The following EDNRB variants were observed in gnomAD, a reference collection of about 807,000 sequenced individuals.
The protein encoded by EDNRB is Hirschsprung disease 2.
In EDNRB, 18 loss-of-function variants were observed where a neutral mutation model predicts 46.4. The observed-to-expected ratio is 0.39, with a 90% CI of 0.27 to 0.57. EDNRB has a LOEUF of 0.57. EDNRB is among the 20% of genes least tolerant of loss of function. EDNRB has a pLI of 0.61. For missense variants in EDNRB, 434 were observed against 537.5 expected (o/e 0.81, Z 1.90); for synonymous variants, 213 against 204.9 (o/e 1.04, Z -0.34).
Position 77,896,281 on chromosome 13 carries a change from ATATAT to A in EDNRB, c.*1914_*1918del. On this transcript the variant is annotated 3_prime_UTR_variant, in exon 7 of 7. Transcript: ENST00000646607. The stretch of plus-strand genomic sequence containing the variant: ...AATCTAAAATTTAAATAGAAATTAA[ATATAT>A]TAATAAACTGTGAAAATATTAGTGA... 1 of 548,352 alleles carries A rather than the reference ATATAT, an allele frequency of 1.8e-6. No homozygotes were observed. The highest frequency in any genetic ancestry group is 2.7e-6 in the Non-Finnish European group (1 of 373,390). The allele number at this position is 548,352 out of a possible 1,614,324, so 34.0% of individuals were successfully genotyped here.
At chr13:77,948,655 T>C (rs1880999043) in intron 1 of EDNRB, among the ~76,000 whole-genome samples, 1 of 152,170 alleles carries the variant, frequency 6.6e-6, no homozygotes, top group Admixed American at 6.6e-5. Flanking sequence ...GATGAAGGTT[T>C]AGAATAGCTA....
chr13:77,943,576 A>T (rs1285550145), intron 1 of EDNRB, among the ~76,000 whole-genome samples: 1 of 152,202 alleles, frequency 6.6e-6, no homozygotes, highest in East Asian at 1.9e-4. Flanking sequence ...AAATCTAATC[A>T]TTCAGCTAGG....
chr13:77,969,500 C>A (rs1397204219), intron 1 of EDNRB, among the ~76,000 whole-genome samples: 1 of 152,142 alleles, frequency 6.6e-6, no homozygotes, highest in Non-Finnish European at 1.5e-5. Context: ...GTAATGCATT[C>A]TGCATGGTAG....
chr13:77,930,958 A>G (rs1012434570), intron 1 of EDNRB, among the ~76,000 whole-genome samples: 3 of 152,148 alleles, frequency 2.0e-5, no homozygotes, highest in Admixed American at 6.5e-5. Context: ...CAAACTCTAA[A>G]TGTGTATTAT....
At chr13:77,949,168 T>C (rs1375290880) in intron 1 of EDNRB, among the ~76,000 whole-genome samples, 1 of 152,194 alleles carries the variant, frequency 6.6e-6, no homozygotes, top group Non-Finnish European at 1.5e-5. Context: ...CACAGGTATG[T>C]CACTTAGATT....
At chr13:77,940,092 C>T (rs1281741362) in intron 1 of EDNRB, 1 of 152,106 alleles carries the variant, frequency 6.6e-6, no homozygotes, top group Non-Finnish European at 1.5e-5. Context: ...GTTGTATTCA[C>T]TATTAATACA....
chr13:77,966,070 G>A lies in EDNRB; in HGVS notation c.-52+9277C>T, dbSNP rs1162990317. On this transcript the variant is annotated intron_variant, in intron 1 of 7. Coordinates refer to the EDNRB transcript ENST00000646948. ...TTTGATTTTGATTTTTTTATTTTTT[G>A]AAGAGATAGAGTCTTGCTATGTTCC... is the stretch of plus-strand genomic sequence containing the variant. Among the ~76,000 whole-genome samples the A allele has an allele frequency of 2.6e-5, 4 of 151,974 alleles. No homozygotes were observed. In the East Asian group the frequency reaches 7.7e-4, roughly 29 times the overall value.
At chr13:77,935,892 A>G (rs1880547620) in intron 1 of EDNRB, among the ~76,000 whole-genome samples, 1 of 152,230 alleles carries the variant, frequency 6.6e-6, no homozygotes, top group African/African-American at 2.4e-5. Flanking sequence ...TGGGGTGGAT[A>G]GGCAAAACAA....
intron 1 of EDNRB, among the ~76,000 whole-genome samples, chr13:77,934,218 T>G (rs1272019128): frequency 1.3e-5 from 2 of 152,180 alleles, no homozygotes; most frequent in African/African-American, 2.4e-5. Flanking sequence ...TTAAATGGGC[T>G]GTACCTTGTA....
intron 1 of EDNRB, among the ~76,000 whole-genome samples, chr13:77,904,126 A>T (rs937898352): frequency 6.6e-6 from 1 of 151,964 alleles, no homozygotes; most frequent in Non-Finnish European, 1.5e-5. Context: ...GAGTAGCTAC[A>T]CAGTTGCTCA....
rs137925851 is a variant in EDNRB at position 77,970,678 on chromosome 13, G to A, written c.-52+4669C>T. On this transcript the variant is annotated intron_variant, in intron 1 of 7. Coordinates refer to the EDNRB transcript ENST00000646948. ...AGTTCTTAATTTTATTTTAAAAACC[G>A]TGGTCATGGGAGGCTCAGATGGGTC... 5.8e-3 allele frequency among the ~76,000 whole-genome samples: 881 copies of A among 152,068 alleles called. 11 individuals are homozygous for A. Among genetic ancestry groups the A allele is most frequent in the African/African-American group, 0.02 (814 of 41,456 alleles).
At chr13:77,959,283 G>A (rs1199526654) in intron 1 of EDNRB, among the ~76,000 whole-genome samples, 1 of 152,110 alleles carries the variant, frequency 6.6e-6, no homozygotes, top group African/African-American at 2.4e-5. Flanking sequence ...TAATGGGGAG[G>A]CACCCCTCAG....
chr13:77,963,321 A>G (rs1317759116), intron 1 of EDNRB, among the ~76,000 whole-genome samples: 2 of 152,204 alleles, frequency 1.3e-5, no homozygotes, highest in African/African-American at 4.8e-5. Flanking sequence ...AGTCAGTCCT[A>G]AGCCAAAAGA....
In EDNRB at chr13:77,918,433, C is replaced by A; in HGVS notation, c.141G>T (p.Thr47=). 6.4e-7 allele frequency: 1 copy of A among 1,570,022 alleles called. No individual in the cohort carries two copies. The highest frequency in any genetic ancestry group is 8.6e-7 in the Non-Finnish European group (1 of 1,159,730). The change falls in exon 1 of 7, where the codon ACG becomes ACT. Residue 47 remains threonine, a synonymous_variant. Transcript: ENST00000646607. This position sits in a 1 kb window ranked among gnomAD's most constrained non-coding sequence, Gnocchi z 4.5. ...TGGGCCATAAGGTCTTAGTGGGTGGCGTCATTATCTCTGCGGTTTGCAAAA... is the reference window on the plus strand; with the variant it reads ...TGGGCCATAAGGTCTTAGTGGGTGGAGTCATTATCTCTGCGGTTTGCAAAA... ...TPLLQTAEIM[T]PPTKTLWPKG...
At chr13:77,950,035 C>T (rs1594392444) in intron 1 of EDNRB, among the ~76,000 whole-genome samples, 1 of 152,230 alleles carries the variant, frequency 6.6e-6, no homozygotes, top group East Asian at 1.9e-4. Flanking sequence ...GGGTTGCAAG[C>T]CAATACCTCG....
At chr13:77,919,094 C>T, upstream of EDNRB, 2 of 499,054 alleles carry the variant, frequency 4.0e-6, no homozygotes, top group Non-Finnish European at 6.5e-6. Flanking sequence ...AGACTCCTCC[C>T]GGCGGATGAA....
chr13:77,935,616 G>A (rs1378052121), intron 1 of EDNRB, among the ~76,000 whole-genome samples: 1 of 152,200 alleles, frequency 6.6e-6, no homozygotes, highest in Non-Finnish European at 1.5e-5. Flanking sequence ...GTGTGTTTAT[G>A]AGAATTACGC....
chr13:77,909,590 T>C (rs868070278), intron 1 of EDNRB, among the ~76,000 whole-genome samples: 1 of 152,074 alleles, frequency 6.6e-6, no homozygotes, highest in African/African-American at 2.4e-5. Context: ...TTTCTTTTTC[T>C]ACTTTATTAA....
At chr13:77,906,243 C>G (rs1440980462) in intron 1 of EDNRB, among the ~76,000 whole-genome samples, 1 of 151,908 alleles carries the variant, frequency 6.6e-6, no homozygotes, top group Non-Finnish European at 1.5e-5. Context: ...CAGGTCTGAA[C>G]CAGCTTTGAA....
Sources: allele counts gnomAD v4.1 joint callset (sites outside exome capture counted in the v4.1 genomes callset), GRCh38; gene constraint gnomAD v4.1.1; non-coding constraint Gnocchi (gnomAD v3.1); transcripts MANE v1.5; gene names NCBI Gene and HGNC (gene_info 2026-07-23, HGNC 2026-07-21).